Variants in GRID2 observed in about 807,000 individuals in gnomAD.
GRID2 encodes the protein glutamate ionotropic receptor delta type subunit 2.
Under a neutral mutation model 114.8 loss-of-function variants are expected in GRID2, and 33 were observed. That is an observed-to-expected ratio of 0.29 (90% confidence interval 0.22 to 0.38). The LOEUF is 0.38. Among genes scored for constraint, GRID2 ranks in the 10% least tolerant of loss-of-function variants. The pLI, the probability that GRID2 is intolerant of heterozygous loss-of-function variation, is 1.00. For synonymous variants in GRID2, 505 were observed against 449.9 expected (o/e 1.12, Z -1.55); for missense variants, 1,184 against 1,257.7 (o/e 0.94, Z 0.89).
At chr4:93,456,733 A>G (rs1031998563) in intron 11 of GRID2, among the ~76,000 whole-genome samples, 3 of 152,200 alleles carry the variant, frequency 2.0e-5, no homozygotes, top group South Asian at 4.1e-4. Flanking sequence ...GATGTTTGCT[A>G]CAATGGAGAC....
intron 1 of GRID2, among the ~76,000 whole-genome samples, chr4:92,342,721 A>T (rs1727562026): frequency 6.6e-6 from 1 of 152,208 alleles, no homozygotes; most frequent in Non-Finnish European, 1.5e-5. Flanking sequence ...GAGTATATTG[A>T]TTGTCACTGT....
At chr4:93,019,126 G>C (rs2149243273) in intron 2 of GRID2, among the ~76,000 whole-genome samples, 1 of 152,182 alleles carries the variant, frequency 6.6e-6, no homozygotes, top group South Asian at 2.1e-4. Context: ...TTTTCAGACT[G>C]AGTTCCAATA....
At chr4:93,808,361 T>C (rs1352671776) in exon 2 of GRID2, 2 of 152,226 alleles carry the variant, frequency 1.3e-5, no homozygotes, top group African/African-American at 4.8e-5. Context: ...ATACTGTACC[T>C]ACCTCACAGG....
chr4:92,643,145 T>C (rs756300525), intron 2 of GRID2, among the ~76,000 whole-genome samples: 1 of 151,932 alleles, frequency 6.6e-6, no homozygotes, highest in Middle Eastern at 3.4e-3. Flanking sequence ...AGAATGACCT[T>C]GGTAGTTTGA....
At chr4:93,628,828 C>T (rs944435197) in intron 14 of GRID2, among the ~76,000 whole-genome samples, 2 of 147,916 alleles carry the variant, frequency 1.4e-5, no homozygotes, top group Admixed American at 6.8e-5. Flanking sequence ...TGCAGTGGTG[C>T]GATCTCGGCT....
chr4:93,682,669 A>T (rs1469286310), intron 14 of GRID2, among the ~76,000 whole-genome samples: 2 of 151,904 alleles, frequency 1.3e-5, no homozygotes, highest in African/African-American at 4.8e-5. Flanking sequence ...TTCTCAGTAA[A>T]CTATTGCAAA....
intron 2 of GRID2, among the ~76,000 whole-genome samples, chr4:92,599,359 A>G (rs192838199): frequency 2.1e-3 from 318 of 152,256 alleles, no homozygotes; most frequent in African/African-American, 7.3e-3. Context: ...AGTGATATAT[A>G]TGAAGGTTGA....
At chr4:92,602,203 TAA>T (rs548267650) in intron 2 of GRID2, among the ~76,000 whole-genome samples, 11 of 95,654 alleles carry the variant, frequency 1.1e-4, no homozygotes, top group African/African-American at 1.6e-4. Context: ...GCCAGAGATT[TAA>T]AAAAAAAAAA....
intron 2 of GRID2, among the ~76,000 whole-genome samples, chr4:92,854,561 G>A (rs1171182743): frequency 6.6e-6 from 1 of 151,572 alleles, no homozygotes; most frequent in Non-Finnish European, 1.5e-5. Flanking sequence ...GGATGTGTGT[G>A]TGTGTGTGTG....
intron 1 of GRID2, among the ~76,000 whole-genome samples, chr4:92,585,660 A>G (rs1284193764): frequency 6.6e-6 from 1 of 151,944 alleles, no homozygotes; most frequent in Non-Finnish European, 1.5e-5. Flanking sequence ...AAGATATATC[A>G]AATTTTTTCT....
intron 11 of GRID2, among the ~76,000 whole-genome samples, chr4:93,463,323 AATGAACTGTG>A (rs2149423090): frequency 6.6e-6 from 1 of 152,308 alleles, no homozygotes; most frequent in East Asian, 1.9e-4. Context: ...TTACATTCCT[AATGAACTGTG>A]ATGAACTCCT....
intron 2 of GRID2, among the ~76,000 whole-genome samples, chr4:92,906,645 G>A (rs1344768284): frequency 6.6e-6 from 1 of 152,038 alleles, no homozygotes; most frequent in African/African-American, 2.4e-5. Flanking sequence ...TAGAGGCAGA[G>A]TCTCACTCTG....
At chr4:92,938,294 T>C (rs1270917553) in intron 2 of GRID2, among the ~76,000 whole-genome samples, 1 of 146,774 alleles carries the variant, frequency 6.8e-6, no homozygotes, top group Non-Finnish European at 1.5e-5. Context: ...TGGGATTCTT[T>C]TCTTATCAAT....
At chr4:93,633,139 C>T (rs1560844490) in intron 14 of GRID2, among the ~76,000 whole-genome samples, 1 of 151,856 alleles carries the variant, frequency 6.6e-6, no homozygotes, top group Admixed American at 6.6e-5. Context: ...ACAATACTCT[C>T]ATAATGGGTC....
intron 2 of GRID2, among the ~76,000 whole-genome samples, chr4:92,706,477 G>GAGTCACACATATATT (rs142132681): frequency 0.19 from 28,145 of 151,734 alleles, 2,746 homozygotes; most frequent in East Asian, 0.32. Flanking sequence ...CCAAATGTAT[G>GAGTCACACATATATT]AGTCACACAT....
At chr4:93,803,020 A>G (rs1404531039) in intron 1 of GRID2, among the ~76,000 whole-genome samples, 1 of 152,212 alleles carries the variant, frequency 6.6e-6, no homozygotes, top group Admixed American at 6.5e-5. Context: ...TTGTTTGAAC[A>G]TAGAAAGTGT....
At chr4:93,169,302 A>G (rs755092328) in intron 4 of GRID2, among the ~76,000 whole-genome samples, 7 of 152,152 alleles carry the variant, frequency 4.6e-5, no homozygotes, top group Non-Finnish European at 7.4e-5. Flanking sequence ...GAAATATAGC[A>G]AATTATCTTG....
chr4:93,384,832 A>T (rs1364208118), intron 8 of GRID2, among the ~76,000 whole-genome samples: 2 of 152,142 alleles, frequency 1.3e-5, no homozygotes, highest in African/African-American at 4.8e-5. Flanking sequence ...TATCTTACAT[A>T]TATGGTTATA....
chr4:93,645,710 A>G (rs1372320209), intron 14 of GRID2, among the ~76,000 whole-genome samples: 3 of 152,182 alleles, frequency 2.0e-5, no homozygotes, highest in Non-Finnish European at 1.5e-5. Context: ...CAGCCTTACC[A>G]TAAGGCTTCT....
Sources: gnomAD v4.1 joint callset for allele counts (sites outside exome capture counted in the v4.1 genomes callset) on GRCh38, gnomAD v4.1.1 for gene constraint, MANE v1.5 for transcripts, NCBI Gene and HGNC (gene_info 2026-07-23, HGNC 2026-07-21) for gene names.